Variants in PEBP4 observed in about 807,000 individuals in gnomAD.
The protein encoded by PEBP4 is phosphatidylethanolamine binding protein 4.
PEBP4 carries 22 observed loss-of-function variants against 23.9 expected under a neutral mutation model. The observed-to-expected ratio is 0.92, with a 90% confidence interval of 0.66 to 1.31. PEBP4 has a LOEUF of 1.31. PEBP4 is among the 40% of genes most tolerant of loss of function. The pLI is 0.00. For synonymous variants in PEBP4, 112 were observed against 99.3 expected (o/e 1.13, Z -0.76); for missense variants, 324 against 281.7 (o/e 1.15, Z -1.07).
chr8:22,828,246 G>A (rs1348269575), intron 3 of PEBP4, among the ~76,000 whole-genome samples: 1 of 152,130 alleles, frequency 6.6e-6, no homozygotes, highest in Non-Finnish European at 1.5e-5. Context: ...GGCTGGACTT[G>A]CCTCATTCTT....
At chr8:22,932,491 G>A (rs368955364), upstream of PEBP4, among the ~76,000 whole-genome samples, 38 of 152,158 alleles carry the variant, frequency 2.5e-4, 1 homozygote, top group South Asian at 7.9e-3. Flanking sequence ...GAAGCTCCAA[G>A]CTCTTGTTCC....
chr8:22,823,126 A>G (rs1806894696), intron 3 of PEBP4, among the ~76,000 whole-genome samples: 1 of 152,060 alleles, frequency 6.6e-6, no homozygotes, highest in Non-Finnish European at 1.5e-5. Flanking sequence ...AGGAATCAAA[A>G]TAGAAAATCC....
chr8:22,926,908 T>C (rs563275905), intron 2 of PEBP4, among the ~76,000 whole-genome samples: 13 of 152,104 alleles, frequency 8.5e-5, no homozygotes, highest in Non-Finnish European at 1.8e-4. Flanking sequence ...GCAGGGAGGT[T>C]TGGCATCAGT....
Position 22,908,401 on chromosome 8 carries a change from A to G in PEBP4, c.258+11783T>C, listed in dbSNP as rs573495078. ...ACAAACAAACAAACAAACAAAAAAA[A>G]AAACCTGTCTAGGAAGAGGCAGTGA... On this transcript the variant is annotated intron_variant, in intron 3 of 6. Coordinates refer to ENST00000256404, the MANE Select transcript of PEBP4 (RefSeq NM_144962.3). Among the ~76,000 whole-genome samples, 955 of 152,122 alleles carry G rather than the reference A, an allele frequency of 6.3e-3. 5 individuals carry two copies. Among genetic ancestry groups the G allele is most frequent in the African/African-American group, 0.02 (839 of 41,480 alleles).
chr8:22,728,376 T>C (rs930617904), intron 4 of PEBP4, among the ~76,000 whole-genome samples: 4 of 152,202 alleles, frequency 2.6e-5, no homozygotes, highest in Non-Finnish European at 5.9e-5. Context: ...CCAAGGCTGG[T>C]TCCTATAGAG....
chr8:22,887,112 G>GTGTGTGTGTGTGTGTGTGTGTGTGTT (rs1563249896), intron 3 of PEBP4: 2 of 147,938 alleles, frequency 1.4e-5, no homozygotes, highest in African/African-American at 2.5e-5. Context: ...GTGTGTGTGT[G>GTGTGTGTGTGTGTGTGTGTGTGTGTT]TGTGTATGTG....
At chr8:22,904,550 C>A (rs901862869) in intron 3 of PEBP4, among the ~76,000 whole-genome samples, 26 of 152,270 alleles carry the variant, frequency 1.7e-4, no homozygotes, top group African/African-American at 6.3e-4. Context: ...AAGTAATACA[C>A]ATTCATTGGA....
At chr8:22,788,060 C>T (rs539176052) in intron 4 of PEBP4, among the ~76,000 whole-genome samples, 1 of 151,874 alleles carries the variant, frequency 6.6e-6, no homozygotes, top group East Asian at 1.9e-4. Context: ...CAGGGATGCA[C>T]GGGCTCATCC....
intron 3 of PEBP4, among the ~76,000 whole-genome samples, chr8:22,870,590 G>A (rs1298348154): frequency 6.6e-6 from 1 of 152,184 alleles, no homozygotes; most frequent in African/African-American, 2.4e-5. Context: ...TGGGCGTTGG[G>A]TGAGAATGAC....
At chr8:22,808,339 C>T (rs1806547040) in intron 4 of PEBP4, among the ~76,000 whole-genome samples, 1 of 152,230 alleles carries the variant, frequency 6.6e-6, no homozygotes, top group African/African-American at 2.4e-5. Flanking sequence ...CCACTCACCT[C>T]TATTCACCCA....
At chr8:22,777,918 C>T (rs1354599056) in intron 4 of PEBP4, among the ~76,000 whole-genome samples, 1 of 152,158 alleles carries the variant, frequency 6.6e-6, no homozygotes, top group African/African-American at 2.4e-5. Flanking sequence ...TCCTTCGTTA[C>T]AGCCCCCCTC....
At chr8:22,908,302 C>T (rs575953379) in intron 3 of PEBP4, among the ~76,000 whole-genome samples, 2 of 151,610 alleles carry the variant, frequency 1.3e-5, no homozygotes, top group South Asian at 2.1e-4. Context: ...AAGGAGACAC[C>T]GAAGTGAGAG....
intron 3 of PEBP4, among the ~76,000 whole-genome samples, chr8:22,913,395 G>A (rs2128779346): frequency 1.3e-5 from 2 of 152,166 alleles, no homozygotes; most frequent in East Asian, 3.9e-4. Context: ...TACTTCTTCT[G>A]CAATGTCCGT....
At chr8:22,826,778 G>A (rs527465274) in intron 3 of PEBP4, among the ~76,000 whole-genome samples, 75 of 152,300 alleles carry the variant, frequency 4.9e-4, no homozygotes, top group Non-Finnish European at 8.5e-4. Flanking sequence ...GGCTGTGGGT[G>A]GTGGTATTGA....
At chr8:22,828,169 G>T (rs973697362) in intron 3 of PEBP4, among the ~76,000 whole-genome samples, 1 of 152,196 alleles carries the variant, frequency 6.6e-6, no homozygotes, top group South Asian at 2.1e-4. Flanking sequence ...AAGCAAGATG[G>T]CAGCAAATAT....
At chr8:22,828,884 C>T (rs1233221933) in intron 3 of PEBP4, among the ~76,000 whole-genome samples, 7 of 152,122 alleles carry the variant, frequency 4.6e-5, no homozygotes, top group Non-Finnish European at 7.3e-5. Flanking sequence ...CATCGACTTC[C>T]ATAGCTACAC....
intron 1 of PEBP4, among the ~76,000 whole-genome samples, chr8:22,937,496 A>T (rs1809555854): frequency 6.6e-6 from 1 of 152,204 alleles, no homozygotes; most frequent in South Asian, 2.1e-4. Context: ...TATTGTTAAA[A>T]TGACAAAGTT....
At chr8:22,932,272 G>T (rs1465700127), upstream of PEBP4, among the ~76,000 whole-genome samples, 2 of 150,820 alleles carry the variant, frequency 1.3e-5, no homozygotes, top group Non-Finnish European at 2.9e-5. Context: ...GAGGTATGGG[G>T]ATGATAGCTA....
chr8:22,920,189 C>T lies in PEBP4; in HGVS notation c.253G>A (p.Val85Met), dbSNP rs1349303754. 10 of 1,611,314 alleles carry T rather than the reference C, an allele frequency of 6.2e-6. No individual in the cohort carries two copies. Among genetic ancestry groups the T allele is most frequent in the African/African-American group, 4.0e-5 (3 of 74,848 alleles). ...ACACAGCCCTGCTCACTCACGTCCACGGCCCCCGGGAACTTGACTATCGGC... is the reference window on the plus strand; with the variant it reads ...ACACAGCCCTGCTCACTCACGTCCATGGCCCCCGGGAACTTGACTATCGGC... ...MEPIVKFPGA[V>M]DGATYILVMV... Residue 85 changes from valine (V) to methionine (M), a missense_variant, in exon 3 of 7, where the codon GTG (valine) becomes ATG (methionine). Physicochemically the swap from Val to Met is conservative, Grantham distance 21 (BLOSUM62 1). Transcript: ENST00000256404.
Sources: gnomAD v4.1 joint callset for allele counts (sites outside exome capture counted in the v4.1 genomes callset) on GRCh38, gnomAD v4.1.1 for gene constraint, MANE v1.5 for transcripts, NCBI Gene and HGNC (gene_info 2026-07-23, HGNC 2026-07-21) for gene names.